HECTD2: variants seen among roughly 807,000 people sequenced by gnomAD.
HECTD2 encodes the protein probable E3 ubiquitin-protein ligase HECTD2.
Under a neutral mutation model 103.2 loss-of-function variants are expected in HECTD2, and 35 were observed. The observed-to-expected ratio is 0.34, with a 90% CI of 0.26 to 0.45. The LOEUF is 0.45. Ranked by LOEUF, HECTD2 falls within the 20% of genes least tolerant of loss-of-function variation. HECTD2 has a pLI of 1.00. For synonymous variants in HECTD2, 281 were observed against 329.9 expected (o/e 0.85, Z 1.61); for missense variants, 596 against 937.4 (o/e 0.64, Z 4.76).
chr10:91,512,970 A>G lies in HECTD2; in HGVS notation c.*586A>G, dbSNP rs1847478362. On this transcript the variant is annotated 3_prime_UTR_variant, in exon 21 of 21. Coordinates refer to ENST00000298068, the MANE Select transcript of HECTD2 (RefSeq NM_182765.6). ...ATAGCCTGAGAATAATGGGATTTTG[A>G]TAGTGCCATTTATTGTTAAAGATTT... The G allele has an allele frequency of 6.5e-6, 1 of 152,684 alleles. No homozygotes were observed. The highest frequency in any genetic ancestry group is 1.5e-5 in the Non-Finnish European group (1 of 68,066). The allele number at this position is 152,684 out of a possible 1,614,324, so 9.5% of individuals were successfully genotyped here. A position where few individuals can be genotyped will look rare whatever the true frequency, so the allele number is the denominator to read the frequency against.
rs1374048132 is a variant in HECTD2, at chr10:91,513,369, T to TTAAAG, written c.*988_*992dup. ...AACACTAATTTTTGAAAAAGATAGGTTAAAGTATTTGACAAAAGTGAATAC... is the reference window on the plus strand; with the variant it reads ...AACACTAATTTTTGAAAAAGATAGGTTAAAGTAAAGTATTTGACAAAAGTGAATAC... On this transcript the variant is annotated 3_prime_UTR_variant, in exon 21 of 21. Coordinates refer to ENST00000298068, the MANE Select transcript of HECTD2 (RefSeq NM_182765.6). 1 of 152,572 alleles carries TTAAAG rather than the reference T, an allele frequency of 6.6e-6. No individual in the cohort carries two copies. The highest frequency in any genetic ancestry group is 2.4e-5 in the African/African-American group (1 of 41,430). The allele number at this position is 152,572 out of a possible 1,614,324, so 9.5% of individuals were successfully genotyped here. A position where few individuals can be genotyped will look rare whatever the true frequency, so the allele number is the denominator to read the frequency against.
rs79601487 is a variant in HECTD2 at position 91,457,586 on chromosome 10, C to T, written c.269-2841C>T. ...ATGCAGTAAAATAATTTGACAAAAT[C>T]CAACACCTATTCATAATGAAAAAAA... On this transcript the variant is annotated intron_variant, in intron 2 of 20. Coordinates refer to ENST00000298068, the MANE Select transcript of HECTD2 (RefSeq NM_182765.6). Among the ~76,000 whole-genome samples the T allele has an allele frequency of 6.0e-3, 909 of 151,980 alleles. 4 individuals are homozygous for T. The highest frequency in any genetic ancestry group is 0.021 in the African/African-American group (874 of 41,508).
intron 1 of HECTD2, among the ~76,000 whole-genome samples, chr10:91,420,429 CA>C (rs113416881): frequency 2.9e-3 from 382 of 132,118 alleles, no homozygotes; most frequent in Middle Eastern, 7.6e-3. Flanking sequence ...ACTAAGAATA[CA>C]AAAAAAAAAA....
chr10:91,410,096 G>C (rs868601697), upstream of HECTD2, among the ~76,000 whole-genome samples: 11 of 152,186 alleles, frequency 7.2e-5, no homozygotes, highest in Admixed American at 5.9e-4. Flanking sequence ...TGGCGGTCGG[G>C]CGTCGACCGT....
At chr10:91,479,233 A>G (rs1262967165) in intron 6 of HECTD2, among the ~76,000 whole-genome samples, 2 of 152,174 alleles carry the variant, frequency 1.3e-5, no homozygotes, top group Non-Finnish European at 2.9e-5. Flanking sequence ...CACTTTTTAT[A>G]TAGCACATTC....
At chr10:91,424,909 G>A (rs966382642) in intron 1 of HECTD2, among the ~76,000 whole-genome samples, 1 of 151,964 alleles carries the variant, frequency 6.6e-6, no homozygotes, top group Non-Finnish European at 1.5e-5. Context: ...AATATTTATG[G>A]AGGTCACAAA....
intron 2 of HECTD2, 141 bp downstream of exon 2, chr10:91,425,551 CA>C: frequency 1.9e-6 from 1 of 516,520 alleles, no homozygotes; most frequent in Non-Finnish European, 3.0e-6. Context: ...CCAGAAGCAG[CA>C]AAATCTTTAT....
At chr10:91,496,724 C>T (rs1327395463) in intron 15 of HECTD2, among the ~76,000 whole-genome samples, 1 of 152,022 alleles carries the variant, frequency 6.6e-6, no homozygotes, top group Admixed American at 6.6e-5. Flanking sequence ...TATATCAAAT[C>T]TGTGCCAGCC....
Position 91,423,326 on chromosome 10 carries a change from T to C in HECTD2, c.139-1955T>C, listed in dbSNP as rs1345854039. Among the ~76,000 whole-genome samples, 5 of 152,144 alleles carry C rather than the reference T, an allele frequency of 3.3e-5. No homozygotes were observed. The East Asian group carries it at 9.6e-4, about 29-fold the overall frequency. On this transcript the variant is annotated intron_variant, in intron 1 of 20. Transcript: ENST00000298068. ...CCCCATCTATAAAATGGGGTGTAAATACATATAGGAATGTTATAATGTATT... is the reference window on the plus strand; with the variant it reads ...CCCCATCTATAAAATGGGGTGTAAACACATATAGGAATGTTATAATGTATT...
chr10:91,503,558 C>T (rs1243220830), intron 20 of HECTD2, among the ~76,000 whole-genome samples: 1 of 152,148 alleles, frequency 6.6e-6, no homozygotes, highest in Non-Finnish European at 1.5e-5. Flanking sequence ...CCGAATACTG[C>T]GCTTTTCCGA....
At chr10:91,455,139 C>G (rs1471628425) in intron 2 of HECTD2, among the ~76,000 whole-genome samples, 3 of 152,284 alleles carry the variant, frequency 2.0e-5, no homozygotes, top group South Asian at 2.1e-4. Flanking sequence ...CTTGAGGAAT[C>G]GCCACACTGT....
At chr10:91,512,065 C>T (rs1345081917) in intron 20 of HECTD2, among the ~76,000 whole-genome samples, 199 bp from the exon 21 acceptor site, 3 of 152,172 alleles carry the variant, frequency 2.0e-5, no homozygotes, top group Non-Finnish European at 2.9e-5. Flanking sequence ...TCTGTAACCA[C>T]AGCCTTAGTG....
intron 18 of HECTD2, 51 bp from the exon 19 acceptor site, chr10:91,500,451 C>T (rs369339769): frequency 3.6e-6 from 3 of 834,802 alleles, no homozygotes; most frequent in Non-Finnish European, 6.0e-6. Context: ...TCCAGTTTCA[C>T]TTAAAACCAT....
chr10:91,440,353 G>A (rs971748384), intron 2 of HECTD2, among the ~76,000 whole-genome samples: 7 of 152,210 alleles, frequency 4.6e-5, no homozygotes, highest in South Asian at 4.2e-4. Flanking sequence ...TTTTGTCATC[G>A]GTTCTTTTTA....
chr10:91,476,357 G>A (rs1845901391), intron 5 of HECTD2, among the ~76,000 whole-genome samples: 1 of 152,174 alleles, frequency 6.6e-6, no homozygotes, highest in South Asian at 2.1e-4. Context: ...AGGTATGGAA[G>A]CCCAGAGCTC....
chr10:91,498,824 T>C (rs776849599), intron 16 of HECTD2, 48 bp from the exon 17 acceptor site: 135 of 1,135,904 alleles, frequency 1.2e-4, no homozygotes, highest in Non-Finnish European at 1.6e-4. Context: ...CACCAAAGTA[T>C]GTTATTATAT....
intron 1 of HECTD2, among the ~76,000 whole-genome samples, chr10:91,423,254 G>T (rs1443188207): frequency 6.6e-6 from 1 of 152,022 alleles, no homozygotes; most frequent in African/African-American, 2.4e-5. Flanking sequence ...TTGAATCCTG[G>T]CTTCCCATTT....
At chr10:91,469,914 G>T (rs1223829209) in intron 5 of HECTD2, among the ~76,000 whole-genome samples, 3 of 152,128 alleles carry the variant, frequency 2.0e-5, no homozygotes, top group Non-Finnish European at 2.9e-5. Flanking sequence ...AAAGAGCAGG[G>T]ATTGTTATTG....
chr10:91,506,409 C>G (rs1485487732), intron 20 of HECTD2, among the ~76,000 whole-genome samples: 1 of 151,340 alleles, frequency 6.6e-6, no homozygotes, highest in African/African-American at 2.4e-5. Flanking sequence ...AGAGAAGAAT[C>G]AAATAGATGC....
Sources: allele counts gnomAD v4.1 joint callset (sites outside exome capture counted in the v4.1 genomes callset), GRCh38; gene constraint gnomAD v4.1.1; transcripts MANE v1.5; gene names NCBI Gene and HGNC (gene_info 2026-07-23, HGNC 2026-07-21).